The following MGAT4D variants were observed in gnomAD, a reference collection of about 807,000 sequenced individuals.
MGAT4D encodes the protein alpha-1,3-mannosyl-glycoprotein 4-beta-N-acetylglucosaminyltransferase-like protein MGAT4D.
MGAT4D carries 34 observed loss-of-function variants against 15.9 expected under a neutral mutation model. The observed-to-expected ratio is 2.14, with a 90% CI of 1.62 to 2.84. MGAT4D has a LOEUF of 2.84. Ranked by LOEUF, MGAT4D falls within the 30% of genes most tolerant of loss-of-function variation. MGAT4D has a pLI of 0.00. For missense variants in MGAT4D, 327 were observed against 140.2 expected (o/e 2.33, Z -6.73); for synonymous variants, 112 against 48.2 (o/e 2.33, Z -5.49).
At chr4:140,472,155 T>C (rs1732007998) in intron 4 of MGAT4D, among the ~76,000 whole-genome samples, 1 of 152,276 alleles carries the variant, frequency 6.6e-6, no homozygotes, top group South Asian at 2.1e-4. Flanking sequence ...AATGGTCATC[T>C]GTGAATGGCT....
rs1011246018 is a variant in MGAT4D at position 140,479,563 on chromosome 4, C to T, written c.318G>A (p.Lys106=). ...CTTTCCTTAGATGAGGAAAAAAGAACTTTAAGTCTTCAAATGTATTAGATA... is the reference window on the plus strand; with the variant it reads ...CTTTCCTTAGATGAGGAAAAAAGAATTTTAAGTCTTCAAATGTATTAGATA... ...ETVSNTFEDL[K]FFFPHLRKEG... is the part of the protein sequence containing the mutation. Residue 106 remains lysine, a synonymous_variant, in exon 3 of 11, where the codon AAG becomes AAA. Coordinates refer to ENST00000511113, the MANE Select transcript of MGAT4D (RefSeq NM_001277353.2). The T allele has an allele frequency of 1.8e-6, 1 of 556,334 alleles. No individual in the cohort carries two copies. The highest frequency in any genetic ancestry group is 3.2e-6 in the Non-Finnish European group (1 of 314,082). The allele number at this position is 556,334 out of a possible 1,614,324, so 34.5% of individuals were successfully genotyped here. A position where few individuals can be genotyped will look rare whatever the true frequency, so the allele number is the denominator to read the frequency against.
At chr4:140,475,366 T>G (rs1226553761) in intron 3 of MGAT4D, among the ~76,000 whole-genome samples, 1 of 152,148 alleles carries the variant, frequency 6.6e-6, no homozygotes, top group Non-Finnish European at 1.5e-5. Flanking sequence ...AAAGAATGTA[T>G]GAAGTAATTT....
intron 5 of MGAT4D, among the ~76,000 whole-genome samples, 199 bp from the exon 6 acceptor site, chr4:140,465,208 C>G (rs1302754115): frequency 6.6e-6 from 1 of 152,040 alleles, no homozygotes; most frequent in African/African-American, 2.4e-5. Context: ...TTAAAATACA[C>G]AATATAAAAT....
chr4:140,446,745 T>G (rs1342939980), intron 10 of MGAT4D, among the ~76,000 whole-genome samples: 4 of 44,880 alleles, frequency 8.9e-5, no homozygotes, highest in South Asian at 1.1e-3. Context: ...CTTCTCTAGT[T>G]TTTTTTTTTT....
At chr4:140,476,350 C>T (rs1732332048) in intron 3 of MGAT4D, among the ~76,000 whole-genome samples, 1 of 152,088 alleles carries the variant, frequency 6.6e-6, no homozygotes, top group African/African-American at 2.4e-5. Context: ...TGCAATTTGT[C>T]ATCCATTTTC....
intron 7 of MGAT4D, among the ~76,000 whole-genome samples, chr4:140,460,230 A>G (rs1028105681): frequency 6.6e-6 from 1 of 152,218 alleles, no homozygotes; most frequent in Non-Finnish European, 1.5e-5. Flanking sequence ...GTCTTAGTCC[A>G]TTTGAGCTGT....
intron 9 of MGAT4D, among the ~76,000 whole-genome samples, chr4:140,454,246 C>A (rs1455119085): frequency 6.6e-6 from 1 of 152,112 alleles, no homozygotes; most frequent in African/African-American, 2.4e-5. Flanking sequence ...TATGGGATTT[C>A]TCTAGATGCT....
intron 10 of MGAT4D, among the ~76,000 whole-genome samples, chr4:140,443,848 T>C (rs1378327199): frequency 1.3e-5 from 2 of 152,088 alleles, no homozygotes; most frequent in South Asian, 4.1e-4. Context: ...CAATAATCCT[T>C]TAATAATAAT....
chr4:140,457,397 T>A (rs1375766231), intron 8 of MGAT4D: 1 of 152,128 alleles, frequency 6.6e-6, no homozygotes, highest in Non-Finnish European at 1.5e-5. Flanking sequence ...CATGCTTCAT[T>A]CTTCACTAGA....
intron 3 of MGAT4D, among the ~76,000 whole-genome samples, chr4:140,476,506 A>C (rs549547652): frequency 1.3e-5 from 2 of 152,148 alleles, no homozygotes; most frequent in Non-Finnish European, 2.9e-5. Flanking sequence ...ATTTTTATGG[A>C]TAGATTGAGG....
At chr4:140,494,448 A>G (rs946041671) in intron 1 of MGAT4D, among the ~76,000 whole-genome samples, 1 of 152,148 alleles carries the variant, frequency 6.6e-6, no homozygotes, top group Non-Finnish European at 1.5e-5. Context: ...GAAATTCCCC[A>G]AGACTTACTC....
chr4:140,492,090 G>C (rs1733538771), intron 1 of MGAT4D, among the ~76,000 whole-genome samples: 1 of 152,202 alleles, frequency 6.6e-6, no homozygotes, highest in Admixed American at 6.5e-5. Context: ...TTGGGGTACA[G>C]CCTTTAACTG....
At chr4:140,478,778 T>A (rs63427160) in intron 3 of MGAT4D, among the ~76,000 whole-genome samples, 5 of 146,268 alleles carry the variant, frequency 3.4e-5, no homozygotes, top group East Asian at 2.1e-4. Flanking sequence ...TTTTTTTTTT[T>A]AAATAAAGGG....
intron 4 of MGAT4D, among the ~76,000 whole-genome samples, chr4:140,473,395 C>A (rs1165824825): frequency 6.6e-6 from 1 of 152,064 alleles, no homozygotes; most frequent in Non-Finnish European, 1.5e-5. Flanking sequence ...TTTCATAACC[C>A]AACAATGCAC....
rs569789245 is a variant in MGAT4D at position 140,494,367 on chromosome 4, C to T, written c.94+3762G>A. 1.7e-4 allele frequency among the ~76,000 whole-genome samples: 26 copies of T among 152,278 alleles called. No homozygotes were observed. In the Middle Eastern group the frequency reaches 0.01, roughly 60 times the overall value. The stretch of plus-strand genomic sequence containing the variant: ...CGCAGCATTATTTGACACTATTGCA[C>T]GCTCCTCTTTGAAATATCTTCTTGG... On this transcript the variant is annotated intron_variant, in intron 1 of 10. Transcript: ENST00000511113.
intron 1 of MGAT4D, among the ~76,000 whole-genome samples, chr4:140,484,572 G>A (rs1392556666): frequency 6.6e-6 from 1 of 152,150 alleles, no homozygotes; most frequent in Non-Finnish European, 1.5e-5. Flanking sequence ...AAACTAAAGA[G>A]CTTCTGCACA....
At chr4:140,467,832 A>C (rs1035981417) in intron 5 of MGAT4D, among the ~76,000 whole-genome samples, 9 of 152,164 alleles carry the variant, frequency 5.9e-5, no homozygotes, top group Admixed American at 1.3e-4. Flanking sequence ...ATAGTTATAT[A>C]CAGTTTCATA....
Position 140,443,425 on chromosome 4 carries a change from CTTAT to C in MGAT4D, c.*7_*10del, listed in dbSNP as rs149678837. On this transcript the variant is annotated 3_prime_UTR_variant, in exon 11 of 11. Transcript: ENST00000511113. ...GGTTCCAGGTATTACAGAGTTTCTT[CTTAT>C]TTATCTTCATATTTTCTGAAATGAA... The C allele has an allele frequency of 0.12, 64,153 of 532,572 alleles. 5,293 individuals carry two copies. The highest frequency in any genetic ancestry group is 0.23 in the South Asian group (9,979 of 44,020). 33.0% of individuals were successfully genotyped at this position (532,572 alleles called of 1,614,324 possible). A position where few individuals can be genotyped will look rare whatever the true frequency, so the allele number is the denominator to read the frequency against.
intron 10 of MGAT4D, among the ~76,000 whole-genome samples, chr4:140,443,796 C>A (rs890411362): frequency 2.6e-5 from 4 of 151,782 alleles, no homozygotes; most frequent in Admixed American, 6.6e-5. Flanking sequence ...ATTTTTATAA[C>A]AAAACTATAG....
Sources: gnomAD v4.1 joint callset for allele counts (sites outside exome capture counted in the v4.1 genomes callset) on GRCh38, gnomAD v4.1.1 for gene constraint, MANE v1.5 for transcripts, NCBI Gene and HGNC (gene_info 2026-07-23, HGNC 2026-07-21) for gene names.